The following HPS3 variants were observed in gnomAD, a reference collection of about 807,000 sequenced individuals.
HPS3 encodes the protein BLOC-2 complex member HPS3.
In HPS3, 79 loss-of-function variants were observed where a neutral mutation model predicts 110.9. The ratio of observed to expected loss-of-function variants is 0.71; its 90% CI spans 0.59 to 0.86. The LOEUF (loss-of-function observed/expected upper bound fraction) is 0.86, where lower values mean the gene tolerates loss of function less well. HPS3 is among the 40% of genes least tolerant of loss of function. The probability of loss-of-function intolerance (pLI) is 0.00; values close to 1 mark genes in which losing one functional copy is unlikely to be tolerated. For synonymous variants in HPS3, 428 were observed against 451.0 expected (o/e 0.95, Z 0.65); for missense variants, 1,197 against 1,206.2 (o/e 0.99, Z 0.11).
Position 149,162,160 on chromosome 3 carries a change from T to C in HPS3, c.2119T>C (p.Cys707Arg). 1 of 1,613,850 alleles carries C rather than the reference T, an allele frequency of 6.2e-7. No homozygotes were observed. The highest frequency in any genetic ancestry group is 8.5e-7 in the Non-Finnish European group (1 of 1,179,768). The change falls in exon 12 of 17, where the codon TGT becomes CGT. Residue 707 changes from cysteine (C) to arginine (R), a missense_variant. Coordinates refer to ENST00000296051, the MANE Select transcript of HPS3 (RefSeq NM_032383.5). ...TTCTTATCTGAAGATGAAGTTGGTA[T>C]GTGGCTTCATTCTGGAACCTCGGCT... ...MKSHSEMKLV[C>R]GFILEPRLLI...
In HPS3 at chr3:149,162,868, C is replaced by T. The variant is rs373037058; in HGVS notation, c.2471C>T (p.Ser824Leu). The T allele has an allele frequency of 7.3e-5, 118 of 1,612,986 alleles. No individual in the cohort carries two copies. The East Asian group carries it at 1.6e-3, about 22-fold the overall frequency. The change falls in exon 13 of 17, where the codon TCG becomes TTG. Residue 824 changes from serine (S) to leucine (L), a missense_variant. Transcript: ENST00000296051. ...CCTGACACCACACCATTGCGAACAT[C>T]GGAGGATCTGGTAAGATAATGGAAT... ...QPPDTTPLRT[S>L]EDLINACSHY...
chr3:149,168,128 G>A (rs531087254), intron 16 of HPS3, 145 bp downstream of exon 16: 25 of 641,086 alleles, frequency 3.9e-5, no homozygotes, highest in Admixed American at 1.6e-4. Flanking sequence ...CAGCATTCAC[G>A]TACCCTCCCC....
chr3:149,129,642 G>A lies in HPS3; in HGVS notation c.-82G>A. The stretch of plus-strand genomic sequence containing the variant: ...CGGCGTCATTGGCTCGCTCGCGGAA[G>A]TAGTCCTACATTCGCGGTCAGCGCG... On this transcript the variant is annotated 5_prime_UTR_variant, in exon 1 of 17. Coordinates refer to ENST00000296051, the MANE Select transcript of HPS3 (RefSeq NM_032383.5). 9.1e-7 allele frequency: 1 copy of A among 1,100,072 alleles called. No homozygotes were observed. The highest frequency in any genetic ancestry group is 1.2e-6 in the Non-Finnish European group (1 of 802,360). 68.1% of individuals were successfully genotyped at this position (1,100,072 alleles called of 1,614,324 possible).
chr3:149,130,028 C>G, intron 1 of HPS3, 88 bp downstream of exon 1: 3 of 1,278,490 alleles, frequency 2.3e-6, no homozygotes, highest in Non-Finnish European at 3.3e-6. Flanking sequence ...GTAGCTCTAG[C>G]TAGGGATGGG....
chr3:149,137,559 G>A (rs56042436), intron 1 of HPS3, among the ~76,000 whole-genome samples: 25,290 of 152,102 alleles, frequency 0.17, 2,183 homozygotes, highest in African/African-American at 0.2. Flanking sequence ...AGAGCCAAAA[G>A]GTGGAAACAG....
chr3:149,162,136 T>C lies in HPS3; in HGVS notation c.2107-12T>C. On this transcript the variant is annotated splice_polypyrimidine_tract_variant and intron_variant, in intron 11 of 16. Coordinates refer to ENST00000296051, the MANE Select transcript of HPS3 (RefSeq NM_032383.5). Reference sequence around the variant, plus strand: ...TGTACCTTTTGTTCCTAAATTTCTTTCTTATCTGAAGATGAAGTTGGTATG... The same window carrying C: ...TGTACCTTTTGTTCCTAAATTTCTTCCTTATCTGAAGATGAAGTTGGTATG... 5 of 1,611,818 alleles carry C rather than the reference T, an allele frequency of 3.1e-6. No homozygotes were observed. The South Asian group carries it at 4.4e-5, about 14-fold the overall frequency.
rs1308893916 is a variant in HPS3, at chr3:149,167,087, G to C, written c.2643G>C (p.Glu881Asp). The C allele has an allele frequency of 6.2e-7, 1 of 1,613,894 alleles. No individual in the cohort carries two copies. Among genetic ancestry groups the C allele is most frequent in the Non-Finnish European group, 8.5e-7 (1 of 1,179,846 alleles). Residue 881 changes from glutamate to aspartate, a missense_variant, in exon 15 of 17, where the codon GAG (glutamate) becomes GAC (aspartate). Physicochemically the swap from Glu to Asp is conservative, Grantham distance 45. Coordinates refer to ENST00000296051, the MANE Select transcript of HPS3 (RefSeq NM_032383.5). ...TAGCTTCCATTATTCCGTTCTTGGA[G>C]CCACTTTCAGAAGACACTATTGCCG... is the stretch of plus-strand genomic sequence containing the variant. The part of the protein sequence containing the change: ...FDIASIIPFL[E>D]PLSEDTIAGL...
In HPS3 at chr3:149,162,208, C is replaced by A. The variant is rs866231304; in HGVS notation, c.2167C>A (p.Gln723Lys). The A allele has an allele frequency of 6.8e-6, 11 of 1,613,876 alleles. No homozygotes were observed. In the African/African-American group the frequency reaches 1.3e-4, roughly 20 times the overall value. ...PRLLIQQRKGQIVPTELALHL... is the reference protein window; with the variant it reads ...PRLLIQQRKGKIVPTELALHL... ...GCTGTTGATTCAACAGAGAAAGGGA[C>A]AGATTGTTCCAACCGAGCTTGCACT... is the stretch of plus-strand genomic sequence containing the variant. Residue 723 changes from glutamine (Q) to lysine (K), a missense_variant, in exon 12 of 17, where the codon CAG becomes AAG. By Grantham distance (53) the Gln-to-Lys change is moderately conservative. Transcript: ENST00000296051.
chr3:149,145,566 T>A lies in HPS3; in HGVS notation c.1163+20T>A. On this transcript the variant is annotated intron_variant, in intron 5 of 16. Coordinates refer to ENST00000296051, the MANE Select transcript of HPS3 (RefSeq NM_032383.5). ...TACAAGGTACTGTTAGAGGGTCACT[T>A]GCTGGCCTGTGAGTCACTTATTTGT... 1 of 1,597,440 alleles carries A rather than the reference T, an allele frequency of 6.3e-7. No homozygotes were observed. Among genetic ancestry groups the A allele is most frequent in the South Asian group, 1.1e-5 (1 of 90,780 alleles).
At chr3:149,137,981 C>A (rs753036749) in intron 1 of HPS3, among the ~76,000 whole-genome samples, 1 of 151,828 alleles carries the variant, frequency 6.6e-6, no homozygotes, top group Non-Finnish European at 1.5e-5. Context: ...TTGTGTGTAT[C>A]GTACTACAAT....
intron 10 of HPS3, among the ~76,000 whole-genome samples, chr3:149,159,581 A>G (rs1723663516): frequency 6.6e-6 from 1 of 152,124 alleles, no homozygotes; most frequent in South Asian, 2.1e-4. Flanking sequence ...AAAAGAAACG[A>G]TAACCCCTCA....
chr3:149,130,357 A>G (rs901351241), intron 1 of HPS3: 22 of 188,776 alleles, frequency 1.2e-4, no homozygotes, highest in Middle Eastern at 2.2e-3. Flanking sequence ...AGCTTTAACA[A>G]TTATTCCAAC....
intron 5 of HPS3, 88 bp downstream of exon 5, chr3:149,145,634 C>G (rs768688204): frequency 2.8e-5 from 28 of 1,013,020 alleles, no homozygotes; most frequent in Non-Finnish European, 4.3e-5. Context: ...ATTGTGTGAA[C>G]TAGCATAGAG....
intron 1 of HPS3, chr3:149,130,280 G>A: frequency 2.6e-6 from 1 of 388,130 alleles, no homozygotes; most frequent in African/African-American, 2.1e-5. Flanking sequence ...AGATTTCAAA[G>A]ACTTACCAAA....
intron 16 of HPS3, chr3:149,168,296 G>A (rs1259639532): frequency 3.2e-6 from 1 of 308,008 alleles, no homozygotes; most frequent in Non-Finnish European, 6.2e-6. Context: ...TTTTATCAAT[G>A]ATCAGAGTAC....
At position 149,172,079 on chromosome 3, in the gene HPS3, AT is replaced by A; in HGVS notation, c.2888-14del. 6.2e-7 allele frequency: 1 copy of A among 1,611,288 alleles called. No individual in the cohort carries two copies. Among genetic ancestry groups the A allele is most frequent in the Non-Finnish European group, 8.5e-7 (1 of 1,177,968 alleles). ...ACAGACTTTCAATTCTAATTCAGAT[AT>A]TCTTTTCTACACAGAAACATTGTCA... On this transcript the variant is annotated splice_polypyrimidine_tract_variant and intron_variant, in intron 16 of 16. Transcript: ENST00000296051.
At chr3:149,159,201 C>A (rs1244805838) in intron 10 of HPS3, among the ~76,000 whole-genome samples, 1 of 152,162 alleles carries the variant, frequency 6.6e-6, no homozygotes, top group Non-Finnish European at 1.5e-5. Flanking sequence ...TTGTCCCTTA[C>A]TCCTTGTGTC....
intron 5 of HPS3, among the ~76,000 whole-genome samples, chr3:149,148,174 A>G (rs1239523726): frequency 1.3e-5 from 2 of 151,946 alleles, no homozygotes; most frequent in East Asian, 3.9e-4. Flanking sequence ...CGCCCGGCCC[A>G]TCTTTTTTAT....
chr3:149,146,654 C>T (rs914158681), intron 5 of HPS3, among the ~76,000 whole-genome samples: 6 of 152,168 alleles, frequency 3.9e-5, no homozygotes, highest in African/African-American at 1.4e-4. Context: ...TTCTGATATC[C>T]ACTCTTAGTG....
Sources: gnomAD v4.1 joint callset for allele counts (sites outside exome capture counted in the v4.1 genomes callset) on GRCh38, gnomAD v4.1.1 for gene constraint, MANE v1.5 for transcripts, NCBI Gene and HGNC (gene_info 2026-07-23, HGNC 2026-07-21) for gene names.